RCC2: variants seen among roughly 807,000 people sequenced by gnomAD.
RCC2 encodes protein RCC2.
In RCC2, 19 loss-of-function variants were observed where a neutral mutation model predicts 64.1. That is an observed-to-expected ratio of 0.30 (90% CI 0.21 to 0.44). The LOEUF is 0.44. Among genes scored for constraint, RCC2 ranks in the 20% least tolerant of loss-of-function variants. RCC2 has a pLI of 1.00. For missense variants in RCC2, 508 were observed against 710.4 expected, an observed-to-expected ratio of 0.72 and a Z score of 3.24; for synonymous variants, 325 against 279.6, an observed-to-expected ratio of 1.16 and a Z score of -1.62.
intron 2 of RCC2, 119 bp downstream of exon 2, chr1:17,438,111 C>T: frequency 1.3e-6 from 1 of 758,746 alleles, no homozygotes; most frequent in Non-Finnish European, 1.7e-6. Flanking sequence ...TGCGCCGGCC[C>T]GGCCGCCGGG....
chr1:17,416,566 T>C lies in RCC2; in HGVS notation c.940A>G (p.Ile314Val). The C allele has an allele frequency of 1.2e-6, 2 of 1,614,084 alleles. No individual in the cohort carries two copies. The highest frequency in any genetic ancestry group is 1.7e-6 in the Non-Finnish European group (2 of 1,180,042). The change falls in exon 8 of 13, where the codon ATC becomes GTC. Residue 314 changes from isoleucine to valine, a missense_variant. This residue lies in a region of RCC2 where 179 missense variants were observed against 322.0 expected (regional missense o/e 0.56). Transcript: ENST00000375436. ...DCELVPRRVAIFIEKTKDGQI... is the reference protein window; with the variant it reads ...DCELVPRRVAVFIEKTKDGQI... Reference sequence around the variant, plus strand: ...CCATCTTTCGTCTTCTCAATGAAGATGGCCACTCGCCGGGGAACTAGTTCA... The same window carrying C: ...CCATCTTTCGTCTTCTCAATGAAGACGGCCACTCGCCGGGGAACTAGTTCA...
chr1:17,422,719 G>C lies in RCC2; in HGVS notation c.641C>G (p.Thr214Ser). ...IVSAACGRNH[T>S]LALTETGSVF... ...CACCTCCTTACCCGTCAAGGCCAAGGTGTGGTTCCGCCCACATGCTGCAGA... is the reference window on the plus strand; with the variant it reads ...CACCTCCTTACCCGTCAAGGCCAAGCTGTGGTTCCGCCCACATGCTGCAGA... Residue 214 changes from threonine (T) to serine (S), a missense_variant, in exon 5 of 13, where the codon ACC (threonine) becomes AGC (serine). Thr to Ser is a moderately conservative substitution (Grantham distance 58). This residue lies in a region of RCC2 where 132 missense variants were observed against 207.3 expected (regional missense o/e 0.64). Coordinates refer to ENST00000375436, the MANE Select transcript of RCC2 (RefSeq NM_018715.4). The C allele has an allele frequency of 1.9e-6, 3 of 1,614,106 alleles. No individual in the cohort carries two copies. Among genetic ancestry groups the C allele is most frequent in the Non-Finnish European group, 2.5e-6 (3 of 1,180,012 alleles).
Position 17,428,995 on chromosome 1 carries a change from G to A in RCC2, c.379+111C>T, listed in dbSNP as rs1020061163. On this transcript the variant is annotated intron_variant, in intron 3 of 12. Transcript: ENST00000375436. ...TGTGTGGCCTCAGGCAAGTCACTTG[G>A]CCTCTGTGAAAATGCATTTGTAAAT... is the stretch of plus-strand genomic sequence containing the variant. The A allele has an allele frequency of 1.1e-5, 9 of 836,054 alleles. No homozygotes were observed. In the African/African-American group the frequency reaches 1.5e-4, roughly 14 times the overall value. 51.8% of individuals were successfully genotyped at this position (836,054 alleles called of 1,614,324 possible).
In RCC2 at chr1:17,438,526, GA is replaced by G; in HGVS notation, c.-8-5del. The G allele has an allele frequency of 7.5e-7, 1 of 1,330,694 alleles. No homozygotes were observed. The highest frequency in any genetic ancestry group is 9.6e-7 in the Non-Finnish European group (1 of 1,042,316). The allele number at this position is 1,330,694 out of a possible 1,614,324, so 82.4% of individuals were successfully genotyped here. On this transcript the variant is annotated splice_region_variant and splice_polypyrimidine_tract_variant and intron_variant, in intron 1 of 12. Coordinates refer to ENST00000375436, the MANE Select transcript of RCC2 (RefSeq NM_018715.4). ...TTCTTCCTGGGCATGGTCGCGGCTG[GA>G]GGGAGACACGGGGCAGCGGCGCACA...
intron 2 of RCC2, among the ~76,000 whole-genome samples, chr1:17,432,091 A>T (rs2075688021): frequency 2.0e-5 from 3 of 152,180 alleles, no homozygotes; most frequent in African/African-American, 7.2e-5. Flanking sequence ...TCTGTCTCAA[A>T]AAGAGAAAAA....
At chr1:17,437,542 T>C (rs544872389) in intron 2 of RCC2, among the ~76,000 whole-genome samples, 17 of 152,198 alleles carry the variant, frequency 1.1e-4, no homozygotes, top group Non-Finnish European at 2.1e-4. Flanking sequence ...CCCTAGGAGA[T>C]GCTTCTTCAC....
At position 17,412,249 on chromosome 1, in the gene RCC2, G is replaced by T. The variant is rs1031580208; in HGVS notation, c.1314-55C>A. On this transcript the variant is annotated intron_variant, in intron 10 of 12. Coordinates refer to ENST00000375436, the MANE Select transcript of RCC2 (RefSeq NM_018715.4). ...CCAGCAGCCCCAGACCTGCACCCAC[G>T]CAGCTATGGCTCAAGGGCATGAGTG... 7 of 1,546,332 alleles carry T rather than the reference G, an allele frequency of 4.5e-6. No homozygotes were observed. In the African/African-American group the frequency reaches 9.6e-5, roughly 21 times the overall value.
rs967428152 is a variant in RCC2, at chr1:17,429,142, C to T, written c.343G>A (p.Asp115Asn). 8.7e-6 allele frequency: 14 copies of T among 1,614,066 alleles called. No homozygotes were observed. In the Admixed American group the frequency reaches 1.5e-4, roughly 17 times the overall value. The change falls in exon 3 of 13, where the codon GAC becomes AAC. Residue 115 changes from aspartate (D) to asparagine (N), a missense_variant. Physicochemically the swap from Asp to Asn is conservative, Grantham distance 23. Transcript: ENST00000375436. ...GGCACTTCTTTTCGACCAATCAAGT[C>T]CCAGTTGGTTGCCCCAAAAATCAAA... ...QLLIFGATNW[D>N]LIGRKEVPKQ... is the part of the protein sequence containing the mutation.
At chr1:17,437,929 C>T (rs1383028365) in intron 2 of RCC2, among the ~76,000 whole-genome samples, 1 of 145,122 alleles carries the variant, frequency 6.9e-6, no homozygotes. Context: ...GGGGCGGGGC[C>T]ATGACCCCCT....
intron 3 of RCC2, among the ~76,000 whole-genome samples, chr1:17,427,020 C>A (rs1466960258): frequency 6.6e-6 from 1 of 152,182 alleles, no homozygotes; most frequent in East Asian, 1.9e-4. Context: ...CTCAGCCTTC[C>A]AAACTGCTGG....
chr1:17,412,457 GCTCT>G (rs1398876734), intron 10 of RCC2, among the ~76,000 whole-genome samples: 3 of 152,258 alleles, frequency 2.0e-5, no homozygotes, highest in African/African-American at 4.8e-5. Context: ...ATCCTGCACA[GCTCT>G]CTCTCAGTGG....
At position 17,422,753 on chromosome 1, in the gene RCC2, C is replaced by T; in HGVS notation, c.607G>A (p.Val203Met). The part of the protein sequence containing the change: ...PRLIEGLSHE[V>M]IVSAACGRNH... ...CGCCCACATGCTGCAGACACAATCA[C>T]TTCGTGGCTAAGACCCTCGATGAGT... is the stretch of plus-strand genomic sequence containing the variant. Residue 203 changes from valine to methionine, a missense_variant, in exon 5 of 13, where the codon GTG becomes ATG. Physicochemically the swap from Val to Met is conservative, Grantham distance 21. This residue lies in a region of RCC2 where 132 missense variants were observed against 207.3 expected (regional missense o/e 0.64). Transcript: ENST00000375436. 3 of 1,614,214 alleles carry T rather than the reference C, an allele frequency of 1.9e-6. No individual in the cohort carries two copies. The highest frequency in any genetic ancestry group is 2.5e-6 in the Non-Finnish European group (3 of 1,180,044).
At chr1:17,422,902 G>A (rs1350584026) in intron 4 of RCC2, 66 bp from the exon 5 acceptor site, 3 of 1,596,430 alleles carry the variant, frequency 1.9e-6, no homozygotes, top group Non-Finnish European at 2.6e-6. Flanking sequence ...CCAGGAGAAG[G>A]CGAGTACAAA....
intron 12 of RCC2, among the ~76,000 whole-genome samples, chr1:17,409,696 G>A (rs1163133820): frequency 6.6e-6 from 1 of 152,212 alleles, no homozygotes; most frequent in African/African-American, 2.4e-5. Context: ...ATGGAGACGC[G>A]AGCGATGTGC....
chr1:17,427,813 T>TG (rs2075633696), intron 3 of RCC2, among the ~76,000 whole-genome samples: 1 of 149,162 alleles, frequency 6.7e-6, no homozygotes, highest in Non-Finnish European at 1.5e-5. Context: ...CTGGAGGGAC[T>TG]GGAGGGACCG....
In RCC2 at chr1:17,409,504, C is replaced by T. The variant is rs541326107; in HGVS notation, c.1465-310G>A. On this transcript the variant is annotated intron_variant, in intron 12 of 12. Transcript: ENST00000375436. ...CCACTTCCATCCCCCCCCTCTCTGG[C>T]TCACAATCCTGCCTGGGTGAGGTGC... Among the ~76,000 whole-genome samples, 889 of 152,312 alleles carry T rather than the reference C, an allele frequency of 5.8e-3. 10 individuals carry two copies. Among genetic ancestry groups the T allele is most frequent in the Non-Finnish European group, 7.0e-3 (477 of 68,014 alleles).
At chr1:17,437,800 G>A (rs1570216707) in intron 2 of RCC2, among the ~76,000 whole-genome samples, 1 of 139,974 alleles carries the variant, frequency 7.1e-6, no homozygotes, top group Non-Finnish European at 1.6e-5. Flanking sequence ...CGCGGCGCCC[G>A]GGCGCAGCGG....
At chr1:17,431,359 A>AAAAAAAAAAATATATAT (rs1553158471) in intron 2 of RCC2, among the ~76,000 whole-genome samples, 3 of 44,936 alleles carry the variant, frequency 6.7e-5, no homozygotes, top group Non-Finnish European at 1.1e-4. Context: ...AAAAAAAAAA[A>AAAAAAAAAAATATATAT]ATATATATAT....
At chr1:17,414,032 T>C (rs2075454866) in intron 8 of RCC2, among the ~76,000 whole-genome samples, 2 of 152,032 alleles carry the variant, frequency 1.3e-5, no homozygotes, top group South Asian at 2.1e-4. Context: ...CCTCCAGCAG[T>C]GGGGGAGGAG....
Sources: gnomAD v4.1 joint callset for allele counts (sites outside exome capture counted in the v4.1 genomes callset) on GRCh38, gnomAD v4.1.1 for gene constraint, gnomAD v4.1.1 regional missense constraint, MANE v1.5 for transcripts, NCBI Gene and HGNC (gene_info 2026-07-23, HGNC 2026-07-21) for gene names.